RNF180: variants seen among roughly 807,000 people sequenced by gnomAD.
RNF180 encodes ring finger protein 180.
Under a neutral mutation model 59.2 loss-of-function variants are expected in RNF180, and 38 were observed. That is an observed-to-expected ratio of 0.64 (90% confidence interval 0.50 to 0.84). The LOEUF is 0.84. RNF180 is among the 40% of genes least tolerant of loss of function. The pLI is 0.00. For synonymous variants in RNF180, 262 were observed against 240.3 expected, an observed-to-expected ratio of 1.09 and a Z score of -0.84; for missense variants, 705 against 700.9, an observed-to-expected ratio of 1.01 and a Z score of -0.07.
Position 64,214,244 on chromosome 5 carries a change from A to G in RNF180, c.918A>G (p.Arg306=). Residue 306 remains arginine, a synonymous_variant, in exon 4 of 8, where the codon AGA becomes AGG. Transcript: ENST00000389100. ...CCCCCCATGAGACCCAGACACAAAG[A>G]GGAGGAGAATTTCAGTGTGGTCTAG... is the stretch of plus-strand genomic sequence containing the variant. ...SVAPHETQTQ[R]GGEFQCGLEA... is the part of the protein sequence containing the mutation. 1 of 1,614,048 alleles carries G rather than the reference A, an allele frequency of 6.2e-7. No individual in the cohort carries two copies. The highest frequency in any genetic ancestry group is 8.5e-7 in the Non-Finnish European group (1 of 1,180,008).
intron 5 of RNF180, among the ~76,000 whole-genome samples, chr5:64,308,667 A>G (rs1743600368): frequency 6.6e-6 from 1 of 151,452 alleles, no homozygotes; most frequent in Non-Finnish European, 1.5e-5. Context: ...CTGGTTTCCT[A>G]TTTTACTCCC....
chr5:64,352,552 T>G (rs2112586381), intron 7 of RNF180, among the ~76,000 whole-genome samples: 1 of 152,232 alleles, frequency 6.6e-6, no homozygotes, highest in Middle Eastern at 3.4e-3. Flanking sequence ...GCTATAAATT[T>G]CCCTCTACAC....
At chr5:64,256,876 G>C (rs536410368) in intron 5 of RNF180, among the ~76,000 whole-genome samples, 88 of 152,082 alleles carry the variant, frequency 5.8e-4, no homozygotes, top group Middle Eastern at 6.8e-3. Flanking sequence ...CTTTTATTTC[G>C]TTGAGCAGTG....
chr5:64,327,740 A>G (rs1744713696), intron 6 of RNF180, among the ~76,000 whole-genome samples: 1 of 152,270 alleles, frequency 6.6e-6, no homozygotes, highest in Non-Finnish European at 1.5e-5. Flanking sequence ...GGAGTGTGTA[A>G]TCTACTGCTG....
chr5:64,344,477 TCTA>T (rs1324397741), intron 7 of RNF180, among the ~76,000 whole-genome samples: 5 of 152,010 alleles, frequency 3.3e-5, no homozygotes, highest in Admixed American at 6.6e-5. Context: ...TAGAAATAAA[TCTA>T]CTATCACACT....
intron 5 of RNF180, among the ~76,000 whole-genome samples, chr5:64,299,021 G>A (rs1309973759): frequency 6.6e-6 from 1 of 151,928 alleles, no homozygotes; most frequent in Non-Finnish European, 1.5e-5. Context: ...CCTTTGGTAG[G>A]TATTAATAAT....
At chr5:64,276,520 C>G (rs981970796) in intron 5 of RNF180, among the ~76,000 whole-genome samples, 1 of 151,862 alleles carries the variant, frequency 6.6e-6, no homozygotes, top group African/African-American at 2.4e-5. Context: ...TATGACATGC[C>G]TGTGACTGAA....
chr5:64,326,635 T>C (rs530254532), intron 6 of RNF180, among the ~76,000 whole-genome samples: 1 of 152,322 alleles, frequency 6.6e-6, no homozygotes, highest in South Asian at 2.1e-4. Flanking sequence ...TCCGTGAATT[T>C]ATCGAACCAT....
chr5:64,260,229 T>C (rs1296669914), intron 5 of RNF180, among the ~76,000 whole-genome samples: 1 of 152,140 alleles, frequency 6.6e-6, no homozygotes, highest in Non-Finnish European at 1.5e-5. Context: ...TAATGGGCCC[T>C]CGTGGCAGTT....
At chr5:64,275,096 C>G (rs1460419348) in intron 5 of RNF180, among the ~76,000 whole-genome samples, 3 of 151,604 alleles carry the variant, frequency 2.0e-5, no homozygotes, top group South Asian at 2.1e-4. Context: ...ATTCTTTTGA[C>G]ACAACAATGA....
At chr5:64,217,536 T>G in intron 5 of RNF180, 140 bp downstream of exon 5, 2 of 1,247,926 alleles carry the variant, frequency 1.6e-6, no homozygotes, top group Non-Finnish European at 2.0e-6. Context: ...TGTTTTAAAA[T>G]TTTAGTCATT....
At chr5:64,313,249 A>G (rs545755540) in intron 5 of RNF180, among the ~76,000 whole-genome samples, 16 of 152,204 alleles carry the variant, frequency 1.1e-4, no homozygotes, top group Middle Eastern at 3.4e-3. Flanking sequence ...AGATTAATTA[A>G]TCACCCAGAT....
At chr5:64,254,229 T>G (rs1743780712) in intron 5 of RNF180, among the ~76,000 whole-genome samples, 1 of 152,172 alleles carries the variant, frequency 6.6e-6, no homozygotes, top group Non-Finnish European at 1.5e-5. Flanking sequence ...CACCTTTAGC[T>G]GTTTTAAGAT....
At chr5:64,342,163 C>T (rs969270060) in intron 7 of RNF180, among the ~76,000 whole-genome samples, 36 of 152,078 alleles carry the variant, frequency 2.4e-4, no homozygotes, top group African/African-American at 7.7e-4. Flanking sequence ...TGGTGGCAAG[C>T]GATCACTCTC....
chr5:64,190,817 C>T (rs1335625463), intron 1 of RNF180, among the ~76,000 whole-genome samples: 1 of 152,096 alleles, frequency 6.6e-6, no homozygotes, highest in Non-Finnish European at 1.5e-5. Context: ...AGAAGCCTCA[C>T]CAGAAAACAA....
At chr5:64,172,709 G>C (rs182818604) in intron 1 of RNF180, among the ~76,000 whole-genome samples, 1 of 152,134 alleles carries the variant, frequency 6.6e-6, no homozygotes, top group African/African-American at 2.4e-5. Context: ...CTCAGTGCAC[G>C]AACAAAGAGG....
At chr5:64,248,384 C>T (rs1743327157) in intron 5 of RNF180, among the ~76,000 whole-genome samples, 2 of 152,158 alleles carry the variant, frequency 1.3e-5, no homozygotes, top group Admixed American at 1.3e-4. Flanking sequence ...TACCCAGAAT[C>T]TACAAAGAAC....
At chr5:64,227,610 C>A (rs1741848300) in intron 5 of RNF180, among the ~76,000 whole-genome samples, 1 of 152,178 alleles carries the variant, frequency 6.6e-6, no homozygotes, top group Admixed American at 6.5e-5. Flanking sequence ...AAGACCAAAC[C>A]CGAATCTTGG....
At chr5:64,189,255 C>G (rs1424589248) in intron 1 of RNF180, among the ~76,000 whole-genome samples, 1 of 151,960 alleles carries the variant, frequency 6.6e-6, no homozygotes, top group African/African-American at 2.4e-5. Context: ...TGGTATTCTT[C>G]TGTAACAAAC....
Sources: gnomAD v4.1 joint callset for allele counts (sites outside exome capture counted in the v4.1 genomes callset) on GRCh38, gnomAD v4.1.1 for gene constraint, MANE v1.5 for transcripts, NCBI Gene and HGNC (gene_info 2026-07-23, HGNC 2026-07-21) for gene names.